Variants in DLGAP1 observed in about 807,000 individuals in gnomAD.
DLGAP1 encodes disks large-associated protein 1.
Under a neutral mutation model 90.8 loss-of-function variants are expected in DLGAP1, and 11 were observed. The observed-to-expected ratio is 0.12, with a 90% confidence interval of 0.08 to 0.20. DLGAP1 has a LOEUF of 0.20. DLGAP1 is among the 10% of genes least tolerant of loss of function. The pLI is 1.00. For synonymous variants in DLGAP1, 558 were observed against 540.7 expected (o/e 1.03, Z -0.44); for missense variants, 1,050 against 1,333.8 (o/e 0.79, Z 3.31).
chr18:4,446,439 A>AAGCAGC (rs139464015), intron 1 of DLGAP1, among the ~76,000 whole-genome samples: 104 of 151,358 alleles, frequency 6.9e-4, no homozygotes, highest in African/African-American at 1.8e-3. Flanking sequence ...TTGTGAAGTC[A>AAGCAGC]AGCAGCAGCA....
At chr18:3,639,997 G>A (rs1318775055) in intron 7 of DLGAP1, among the ~76,000 whole-genome samples, 1 of 151,454 alleles carries the variant, frequency 6.6e-6, no homozygotes, top group Non-Finnish European at 1.5e-5. Flanking sequence ...CTCGTAATCC[G>A]CCTGCCTCGG....
chr18:3,590,418 G>A (rs2056166217), intron 7 of DLGAP1, among the ~76,000 whole-genome samples: 1 of 152,114 alleles, frequency 6.6e-6, no homozygotes, highest in Admixed American at 6.5e-5. Context: ...GTTCCCCCCT[G>A]TGGATTTTCT....
At chr18:4,100,680 C>T (rs767195959) in intron 2 of DLGAP1, among the ~76,000 whole-genome samples, 1 of 151,186 alleles carries the variant, frequency 6.6e-6, no homozygotes, top group Non-Finnish European at 1.5e-5. Context: ...GTTTCACCTA[C>T]ATTTCAAATC....
chr18:4,171,197 G>A (rs1201013400), intron 1 of DLGAP1, among the ~76,000 whole-genome samples: 1 of 152,068 alleles, frequency 6.6e-6, no homozygotes, highest in Non-Finnish European at 1.5e-5. Flanking sequence ...GTTAAATGGT[G>A]GTTTCTGCAA....
chr18:3,982,365 C>T (rs2073750352), intron 3 of DLGAP1, among the ~76,000 whole-genome samples: 1 of 136,260 alleles, frequency 7.3e-6, no homozygotes, highest in African/African-American at 2.8e-5. Context: ...CTTCAGATCA[C>T]CTTTGACTCA....
rs113686807 is a variant in DLGAP1, at chr18:4,004,426, C to T, written c.-73+690G>A. Reference sequence around the variant, plus strand: ...GAGTCCCTTCTTCCCCCTTCCCTTCCGAATTAACCTGTTCTTTACCGGGAT... The same window carrying T: ...GAGTCCCTTCTTCCCCCTTCCCTTCTGAATTAACCTGTTCTTTACCGGGAT... On this transcript the variant is annotated intron_variant, in intron 3 of 12. Coordinates refer to ENST00000315677, the MANE Select transcript of DLGAP1 (RefSeq NM_004746.4). Among the ~76,000 whole-genome samples, 94 of 152,186 alleles carry T rather than the reference C, an allele frequency of 6.2e-4. No homozygotes were observed. The South Asian group carries it at 7.7e-3, about 12-fold the overall frequency.
intron 7 of DLGAP1, among the ~76,000 whole-genome samples, chr18:3,586,331 G>A (rs925724071): frequency 7.9e-5 from 12 of 151,890 alleles, no homozygotes; most frequent in African/African-American, 2.9e-4. Context: ...GTTGTTATAC[G>A]GAGGGGCATT....
chr18:4,377,498 A>G (rs1482939379), intron 1 of DLGAP1, among the ~76,000 whole-genome samples: 1 of 152,218 alleles, frequency 6.6e-6, no homozygotes, highest in Non-Finnish European at 1.5e-5. Flanking sequence ...GATCTCACTG[A>G]GATGAATAAT....
At chr18:3,874,855 A>G (rs1035778337) in intron 4 of DLGAP1, 1 of 1,116,746 alleles carries the variant, frequency 9.0e-7, no homozygotes, top group Non-Finnish European at 1.2e-6. Context: ...CTTGTGAGTG[A>G]GCACTTATCA....
intron 2 of DLGAP1, among the ~76,000 whole-genome samples, chr18:4,015,851 A>G (rs1045763497): frequency 3.3e-5 from 5 of 152,206 alleles, no homozygotes; most frequent in Non-Finnish European, 7.3e-5. Flanking sequence ...TTATATCTCT[A>G]TCCATCAATC....
At chr18:3,686,959 T>G (rs117570756) in intron 7 of DLGAP1, among the ~76,000 whole-genome samples, 3 of 152,250 alleles carry the variant, frequency 2.0e-5, no homozygotes, top group East Asian at 3.9e-4. Flanking sequence ...ATGGGGTCCT[T>G]GTAAGTGGAG....
chr18:3,697,066 G>A lies in DLGAP1; in HGVS notation c.1591+32069C>T, dbSNP rs534818010. Reference sequence around the variant, plus strand: ...GATCCCCTTTATCATTTTTTATTGTGTCTATTTGATTCTTCTGTCTTTCTT... The same window carrying A: ...GATCCCCTTTATCATTTTTTATTGTATCTATTTGATTCTTCTGTCTTTCTT... On this transcript the variant is annotated intron_variant, in intron 7 of 12. Transcript: ENST00000315677. Among the ~76,000 whole-genome samples, 9 of 152,120 alleles carry A rather than the reference G, an allele frequency of 5.9e-5. No individual in the cohort carries two copies. In the East Asian group the frequency reaches 1.7e-3, roughly 29 times the overall value.
chr18:4,029,033 T>G (rs1044919919), intron 2 of DLGAP1, among the ~76,000 whole-genome samples: 3 of 152,212 alleles, frequency 2.0e-5, no homozygotes, highest in Non-Finnish European at 4.4e-5. Context: ...ACCTTCTCCA[T>G]AGTAACCACT....
At chr18:4,074,976 C>A (rs563334571) in intron 2 of DLGAP1, among the ~76,000 whole-genome samples, 1 of 152,254 alleles carries the variant, frequency 6.6e-6, no homozygotes, top group South Asian at 2.1e-4. Flanking sequence ...AACTTTGTTT[C>A]TTGCTTGCAA....
intron 1 of DLGAP1, among the ~76,000 whole-genome samples, chr18:4,247,094 GGAAGGAGGAGGA>G (rs2078667990): frequency 6.6e-6 from 1 of 151,968 alleles, no homozygotes; most frequent in Non-Finnish European, 1.5e-5. Flanking sequence ...GAGAAGGAAG[GGAAGGAGGAGGA>G]GAAGGATGAG....
intron 4 of DLGAP1, among the ~76,000 whole-genome samples, chr18:3,822,871 T>C (rs3985697): frequency 0.79 from 119,522 of 152,092 alleles, 47,129 homozygotes; most frequent in East Asian, 0.86. Flanking sequence ...AGATGCTGGG[T>C]GTGGTAGAAT....
chr18:3,746,532 C>T (rs1296271789), intron 5 of DLGAP1, among the ~76,000 whole-genome samples: 1 of 152,056 alleles, frequency 6.6e-6, no homozygotes, highest in Non-Finnish European at 1.5e-5. Context: ...GAAAAATAGT[C>T]ATTGTGTATA....
chr18:4,031,543 C>T lies in DLGAP1; in HGVS notation c.-158-26342G>A, dbSNP rs370681812. On this transcript the variant is annotated intron_variant, in intron 2 of 12. Coordinates refer to ENST00000315677, the MANE Select transcript of DLGAP1 (RefSeq NM_004746.4). ...GGAGCTGTTATGGCCCCTTTAGAGG[C>T]AGTTGATGGGAAATAAGCAACAGTG... Among the ~76,000 whole-genome samples the T allele has an allele frequency of 6.2e-4, 94 of 152,210 alleles. 1 individual carries two copies. The South Asian group carries it at 0.019, about 31-fold the overall frequency.
intron 8 of DLGAP1, among the ~76,000 whole-genome samples, chr18:3,572,057 G>A (rs1471263691): frequency 6.9e-5 from 10 of 145,030 alleles, no homozygotes; most frequent in African/African-American, 2.5e-4. Context: ...GATTTTCAGT[G>A]GTTTCTTCTA....
Sources: allele counts gnomAD v4.1 joint callset (sites outside exome capture counted in the v4.1 genomes callset), GRCh38; gene constraint gnomAD v4.1.1; transcripts MANE v1.5; gene names NCBI Gene and HGNC (gene_info 2026-07-23, HGNC 2026-07-21).